Variants in MAP1B observed in about 807,000 individuals in gnomAD.
MAP1B encodes microtubule-associated protein 1B.
Under a neutral mutation model 176.1 loss-of-function variants are expected in MAP1B, and 12 were observed. The ratio of observed to expected loss-of-function variants is 0.07; its 90% confidence interval spans 0.04 to 0.11. The LOEUF is 0.11. Ranked by LOEUF, MAP1B falls within the 10% of genes least tolerant of loss-of-function variation. MAP1B has a pLI of 1.00. For synonymous variants in MAP1B, 1,044 were observed against 1,135.0 expected, an observed-to-expected ratio of 0.92 and a Z score of 1.61; for missense variants, 2,523 against 2,990.5, an observed-to-expected ratio of 0.84 and a Z score of 3.65.
At chr5:72,134,929 AG>A (rs1016905681) in intron 2 of MAP1B, among the ~76,000 whole-genome samples, 4 of 148,656 alleles carry the variant, frequency 2.7e-5, no homozygotes, top group Admixed American at 6.8e-5. Flanking sequence ...CTTATGTCTC[AG>A]GGTAAGGCTC....
At chr5:72,123,709 C>A (rs1334579337) in intron 2 of MAP1B, among the ~76,000 whole-genome samples, 1 of 152,160 alleles carries the variant, frequency 6.6e-6, no homozygotes, top group Non-Finnish European at 1.5e-5. Flanking sequence ...TGGTCTCGAT[C>A]TCCTGACCTC....
intron 2 of MAP1B, among the ~76,000 whole-genome samples, chr5:72,138,319 C>T (rs1579990757): frequency 1.3e-5 from 2 of 151,966 alleles, no homozygotes; most frequent in East Asian, 1.9e-4. Flanking sequence ...ACAAATGAAC[C>T]CAGGAAGATA....
chr5:72,143,861 AT>A (rs995226663), intron 2 of MAP1B, among the ~76,000 whole-genome samples: 1 of 147,432 alleles, frequency 6.8e-6, no homozygotes, highest in East Asian at 1.9e-4. Context: ...TAATTTATTT[AT>A]TTTTTTTGTA....
chr5:72,161,103 G>C (rs979789892), intron 2 of MAP1B, among the ~76,000 whole-genome samples: 3 of 152,168 alleles, frequency 2.0e-5, no homozygotes, highest in African/African-American at 7.2e-5. Context: ...CAGGCCAGGG[G>C]ACTGAGAAGA....
At chr5:72,141,901 G>A (rs1051883271) in intron 2 of MAP1B, among the ~76,000 whole-genome samples, 2 of 152,180 alleles carry the variant, frequency 1.3e-5, no homozygotes, top group South Asian at 2.1e-4. Context: ...CCATTCCACT[G>A]GTTCTGGCTG....
intron 2 of MAP1B, among the ~76,000 whole-genome samples, chr5:72,160,602 A>G (rs1746310551): frequency 1.3e-5 from 2 of 152,342 alleles, no homozygotes; most frequent in East Asian, 1.9e-4. Context: ...TCTACCGTAT[A>G]TCATTTTAAG....
At chr5:72,158,186 T>C (rs1157859493) in intron 2 of MAP1B, among the ~76,000 whole-genome samples, 2 of 150,998 alleles carry the variant, frequency 1.3e-5, no homozygotes, top group African/African-American at 2.4e-5. Flanking sequence ...TTTTTTGTAT[T>C]TTTAGTAGAG....
intron 2 of MAP1B, among the ~76,000 whole-genome samples, chr5:72,148,860 T>C (rs1013364881): frequency 6.6e-6 from 1 of 152,220 alleles, no homozygotes; most frequent in Admixed American, 6.5e-5. Context: ...CTCTCCAACT[T>C]GGAGCATTCA....
Position 72,107,725 on chromosome 5 carries a change from C to T in MAP1B, c.184+10C>T, listed in dbSNP as rs773213627. On this transcript the variant is annotated intron_variant, in intron 1 of 6. Coordinates refer to ENST00000296755, the MANE Select transcript of MAP1B (RefSeq NM_005909.5). The stretch of plus-strand genomic sequence containing the variant: ...GGCAACATCGAGCTCGGTAAGTGGC[C>T]CCGCGCCCCCAGAGACGCGCGCTGG... The T allele has an allele frequency of 5.0e-6, 8 of 1,598,038 alleles. No homozygotes were observed. The African/African-American group carries it at 8.0e-5, about 16-fold the overall frequency.
chr5:72,161,882 G>A lies in MAP1B; in HGVS notation c.287-21861G>A, dbSNP rs189968699. Among the ~76,000 whole-genome samples the A allele has an allele frequency of 1.4e-4, 21 of 150,412 alleles. No homozygotes were observed. The East Asian group carries it at 3.7e-3, about 26-fold the overall frequency. On this transcript the variant is annotated intron_variant, in intron 2 of 6. Coordinates refer to ENST00000296755, the MANE Select transcript of MAP1B (RefSeq NM_005909.5). ...TGAGGCAGGAGAATTGCTTGAACCC[G>A]GGAGGCGGAGGTTGCAGTGAGCCGA... is the stretch of plus-strand genomic sequence containing the variant.
At chr5:72,119,729 G>A (rs1745492923) in intron 2 of MAP1B, among the ~76,000 whole-genome samples, 1 of 152,072 alleles carries the variant, frequency 6.6e-6, no homozygotes, top group African/African-American at 2.4e-5. Context: ...GGCTGATCTC[G>A]AACTCCTGAG....
intron 2 of MAP1B, among the ~76,000 whole-genome samples, chr5:72,141,796 A>G (rs1297132465): frequency 2.0e-5 from 3 of 152,220 alleles, no homozygotes; most frequent in Admixed American, 6.5e-5. Context: ...CAGTGATATC[A>G]TATTACTTAC....
chr5:72,118,086 G>A (rs929029205), intron 2 of MAP1B, among the ~76,000 whole-genome samples: 1 of 152,228 alleles, frequency 6.6e-6, no homozygotes, highest in African/African-American at 2.4e-5. Context: ...CTGTTTTTAA[G>A]TGGGTCCAAG....
intron 2 of MAP1B, among the ~76,000 whole-genome samples, chr5:72,122,055 A>G (rs1184974704): frequency 6.6e-6 from 1 of 152,236 alleles, no homozygotes; most frequent in Non-Finnish European, 1.5e-5. Flanking sequence ...ACAAGGTTAT[A>G]GGAGAAATCG....
chr5:72,142,382 G>A (rs1561296725), intron 2 of MAP1B, among the ~76,000 whole-genome samples: 1 of 152,230 alleles, frequency 6.6e-6, no homozygotes, highest in Non-Finnish European at 1.5e-5. Flanking sequence ...AGGCAAGGAG[G>A]AGGGGCAGGT....
chr5:72,199,425 T>C lies in MAP1B; in HGVS notation c.6070T>C (p.Ser2024Pro), dbSNP rs781682519. 1 of 1,614,104 alleles carries C rather than the reference T, an allele frequency of 6.2e-7. No individual in the cohort carries two copies. Among genetic ancestry groups the C allele is most frequent in the Non-Finnish European group, 8.5e-7 (1 of 1,180,030 alleles). ...CAGTTTCCCTGAGTCTGAAGGTTAT[T>C]CCTATGAGACATCTACAAAGACAAC... ...ITSFPESEGY[S>P]YETSTKTTRT... The change falls in exon 5 of 7, where the codon TCC becomes CCC. Residue 2024 changes from serine (S) to proline (P), a missense_variant. Transcript: ENST00000296755. The surrounding 1 kb of genome is among the most constrained non-coding windows in gnomAD (Gnocchi z 4.2).
At chr5:72,177,040 C>A (rs1746665089) in intron 2 of MAP1B, among the ~76,000 whole-genome samples, 1 of 152,140 alleles carries the variant, frequency 6.6e-6, no homozygotes. Context: ...TGCTATTGGT[C>A]TTTGGGGATC....
chr5:72,153,190 A>G (rs922427236), intron 2 of MAP1B, among the ~76,000 whole-genome samples: 3 of 152,002 alleles, frequency 2.0e-5, no homozygotes, highest in Non-Finnish European at 2.9e-5. Context: ...TTTCCTTCCC[A>G]TTAAAAACAG....
intron 2 of MAP1B, among the ~76,000 whole-genome samples, chr5:72,152,647 A>G (rs1443261007): frequency 5.9e-5 from 9 of 152,128 alleles, no homozygotes; most frequent in East Asian, 1.9e-4. Context: ...GGGTTTTACT[A>G]TGTTGGCCAG....
Sources: gnomAD v4.1 joint callset for allele counts (sites outside exome capture counted in the v4.1 genomes callset) on GRCh38, gnomAD v4.1.1 for gene constraint, Gnocchi (gnomAD v3.1) non-coding constraint, MANE v1.5 for transcripts, NCBI Gene and HGNC (gene_info 2026-07-23, HGNC 2026-07-21) for gene names.